The following HUS1 variants were observed in gnomAD, a reference collection of about 807,000 sequenced individuals.
The protein encoded by HUS1 is HUS1 checkpoint clamp component, also known as checkpoint protein HUS1.
HUS1 carries 31 observed loss-of-function variants against 32.6 expected under a neutral mutation model. That is an observed-to-expected ratio of 0.95 (90% CI 0.72 to 1.28). The LOEUF (loss-of-function observed/expected upper bound fraction) is 1.28. HUS1 is among the 50% of genes most tolerant of loss of function. The pLI is 0.00. For missense variants in HUS1, 340 were observed against 337.7 expected (o/e 1.01, Z -0.05); for synonymous variants, 123 against 116.6 (o/e 1.06, Z -0.36).
rs571586987 is a variant in HUS1, at chr7:47,978,743, G to A, written c.126C>T (p.Ile42=). The part of the protein sequence containing the change: ...LRISPDKLNF[I]LCDKLANGGV... Reference sequence around the variant, plus strand: ...CTCCATTAGCCAGCTTGTCACAAAGGATGAAGTTAAGCTTATCAGGGCTGA... The same window carrying A: ...CTCCATTAGCCAGCTTGTCACAAAGAATGAAGTTAAGCTTATCAGGGCTGA... Residue 42 remains isoleucine, a synonymous_variant, in exon 2 of 8, where the codon ATC becomes ATT. Coordinates refer to ENST00000258774, the MANE Select transcript of HUS1 (RefSeq NM_004507.4). 4 of 1,614,230 alleles carry A rather than the reference G, an allele frequency of 2.5e-6. No homozygotes were observed. The highest frequency in any genetic ancestry group is 3.4e-6 in the Non-Finnish European group (4 of 1,180,044).
intron 3 of HUS1, chr7:47,978,199 G>A: frequency 4.6e-6 from 2 of 439,158 alleles, no homozygotes; most frequent in Admixed American, 7.6e-5. Flanking sequence ...TCACGGCTTG[G>A]AAAAAGCAGC....
At chr7:47,965,789 C>T (rs536598351) in intron 7 of HUS1, among the ~76,000 whole-genome samples, 7 of 152,262 alleles carry the variant, frequency 4.6e-5, no homozygotes, top group Non-Finnish European at 1.5e-5. Flanking sequence ...CTGAGAAGAG[C>T]CAAGAGCCAG....
intron 6 of HUS1, 61 bp from the exon 7 acceptor site, chr7:47,967,986 T>C (rs1436425935): frequency 1.9e-6 from 3 of 1,541,150 alleles, no homozygotes; most frequent in South Asian, 1.2e-5. Flanking sequence ...AACCTGGAGA[T>C]ACTCAATGCA....
intron 6 of HUS1, among the ~76,000 whole-genome samples, chr7:47,968,172 C>T (rs566716996): frequency 5.2e-4 from 79 of 152,092 alleles, no homozygotes; most frequent in African/African-American, 1.9e-3. Flanking sequence ...TCTCCCTCTT[C>T]AGGTCAAAGA....
chr7:47,978,579 G>A lies in HUS1; in HGVS notation c.195C>T (p.Asn65=), dbSNP rs777745119. 2.2e-5 allele frequency: 36 copies of A among 1,613,884 alleles called. No individual in the cohort carries two copies. The highest frequency in any genetic ancestry group is 1.6e-4 in the Middle Eastern group (1 of 6,084). ...WCELEQENFF[N]EFQMEGVSAE... ...CAGAGACACCCTCCATTTGAAATTC[G>A]TTGAAGAAGTTCTCCTAAGGGAAAA... The change falls in exon 3 of 8, where the codon AAC becomes AAT. Residue 65 remains asparagine, a synonymous_variant. Transcript: ENST00000258774.
In HUS1 at chr7:47,965,425, G is replaced by A. The variant is rs902443202; in HGVS notation, c.774C>T (p.Asn258=). ...PTKALCNIVN[N]KMVHFDLLHE... is the part of the protein sequence containing the mutation. ...GAAGCAGATCAAAATGCACCATCTT[G>A]TTATTCACAATATCTGGGAAGAGAA... is the stretch of plus-strand genomic sequence containing the variant. Residue 258 remains asparagine, a synonymous_variant, in exon 8 of 8, where the codon AAC becomes AAT. Coordinates refer to ENST00000258774, the MANE Select transcript of HUS1 (RefSeq NM_004507.4). The A allele has an allele frequency of 8.1e-6, 13 of 1,611,936 alleles. No individual in the cohort carries two copies. Among genetic ancestry groups the A allele is most frequent in the East Asian group, 4.5e-5 (2 of 44,882 alleles).
At chr7:47,970,090 G>A (rs1401531961) in intron 5 of HUS1, among the ~76,000 whole-genome samples, 5 of 151,772 alleles carry the variant, frequency 3.3e-5, no homozygotes, top group South Asian at 2.1e-4. Flanking sequence ...AAAATTAGCC[G>A]GGCGTGGTGG....
chr7:47,971,403 C>T lies in HUS1; in HGVS notation c.541-2085G>A, dbSNP rs3176562. The T allele has an allele frequency of 8.6e-5, 39 of 454,030 alleles. No individual in the cohort carries two copies. In the Middle Eastern group the frequency reaches 9.8e-4, roughly 11 times the overall value. The allele number at this position is 454,030 out of a possible 1,614,324, so 28.1% of individuals were successfully genotyped here. On this transcript the variant is annotated intron_variant, in intron 5 of 7. Coordinates refer to ENST00000258774, the MANE Select transcript of HUS1 (RefSeq NM_004507.4). ...TCATATACCATCGGGCACCCCTCTT[C>T]TACTCCTGCTCTTGCTGCCCGGGGA...
chr7:47,971,377 C>T (rs1788596663), intron 5 of HUS1: 1 of 426,838 alleles, frequency 2.3e-6, no homozygotes, highest in South Asian at 1.7e-5. Context: ...CTGCCATCCC[C>T]TCATATACCA....
intron 6 of HUS1, 29 bp from the exon 7 acceptor site, chr7:47,967,954 A>G: frequency 6.2e-7 from 1 of 1,600,144 alleles, no homozygotes; most frequent in African/African-American, 1.3e-5. Context: ...ATTTAAATAC[A>G]ACATCTTCCC....
In HUS1 at chr7:47,978,581, TGAA is replaced by T. The variant is rs781138580; in HGVS notation, c.190_192del (p.Phe64del). 1.1e-5 allele frequency: 17 copies of T among 1,614,100 alleles called. No individual in the cohort carries two copies. The Admixed American group carries it at 2.2e-4, about 21-fold the overall frequency. On this transcript the variant is annotated inframe_deletion, in exon 3 of 8. Coordinates refer to ENST00000258774, the MANE Select transcript of HUS1 (RefSeq NM_004507.4). ...GAGACACCCTCCATTTGAAATTCGT[TGAA>T]GAAGTTCTCCTAAGGGAAAAAAAAT...
chr7:47,966,521 CTG>C (rs1389065339), intron 7 of HUS1, among the ~76,000 whole-genome samples: 1 of 152,172 alleles, frequency 6.6e-6, no homozygotes, highest in African/African-American at 2.4e-5. Context: ...CCCCCACACC[CTG>C]TGTTTCCACA....
intron 7 of HUS1, among the ~76,000 whole-genome samples, chr7:47,965,753 C>T (rs1788465575): frequency 6.6e-6 from 1 of 152,210 alleles, no homozygotes; most frequent in Non-Finnish European, 1.5e-5. Flanking sequence ...AAGAGCAGCT[C>T]CTCACCAGTG....
chr7:47,971,414 C>G, intron 5 of HUS1: 1 of 455,802 alleles, frequency 2.2e-6, no homozygotes, highest in Non-Finnish European at 4.4e-6. Flanking sequence ...TACTCCTGCT[C>G]TTGCTGCCCG....
At chr7:47,972,410 C>T (rs1211352240) in intron 5 of HUS1, among the ~76,000 whole-genome samples, 1 of 152,180 alleles carries the variant, frequency 6.6e-6, no homozygotes, top group Non-Finnish European at 1.5e-5. Flanking sequence ...CCATTAACAC[C>T]TGGTGCCTAG....
chr7:47,978,596 A>G lies in HUS1; in HGVS notation c.181-3T>C. 6.2e-7 allele frequency: 1 copy of G among 1,613,506 alleles called. No homozygotes were observed. The highest frequency in any genetic ancestry group is 8.5e-7 in the Non-Finnish European group (1 of 1,179,442). On this transcript the variant is annotated splice_region_variant and splice_polypyrimidine_tract_variant and intron_variant, in intron 2 of 7. Coordinates refer to ENST00000258774, the MANE Select transcript of HUS1 (RefSeq NM_004507.4). ...TGAAATTCGTTGAAGAAGTTCTCCT[A>G]AGGGAAAAAAAATGAGGGATGAGGG...
chr7:47,979,398 C>G, intron 1 of HUS1, 70 bp downstream of exon 1: 2 of 1,587,578 alleles, frequency 1.3e-6, no homozygotes, highest in Non-Finnish European at 1.7e-6. Flanking sequence ...GATCCTCCTG[C>G]GCGGTCCCCA....
intron 6 of HUS1, among the ~76,000 whole-genome samples, chr7:47,968,399 C>G (rs1788525556): frequency 6.6e-6 from 1 of 152,184 alleles, no homozygotes; most frequent in African/African-American, 2.4e-5. Context: ...TTATCAAAGG[C>G]ATAACCGTAT....
At chr7:47,972,975 G>T (rs1788628963) in intron 5 of HUS1, among the ~76,000 whole-genome samples, 1 of 152,220 alleles carries the variant, frequency 6.6e-6, no homozygotes, top group Admixed American at 6.5e-5. Context: ...CCTGGTGGTA[G>T]GTGACTGGAT....
Sources: gnomAD v4.1 joint callset for allele counts (sites outside exome capture counted in the v4.1 genomes callset) on GRCh38, gnomAD v4.1.1 for gene constraint, MANE v1.5 for transcripts, NCBI Gene and HGNC (gene_info 2026-07-23, HGNC 2026-07-21) for gene names.